The following TSPAN18 variants were observed in gnomAD, a reference collection of about 807,000 sequenced individuals.
TSPAN18 encodes the protein tetraspanin-18.
A neutral mutation model predicts 27.3 loss-of-function variants in TSPAN18; 14 were observed. That is an observed-to-expected ratio of 0.51 (90% confidence interval 0.34 to 0.80). The LOEUF is 0.80. Among genes scored for constraint, TSPAN18 ranks in the 30% least tolerant of loss-of-function variants. The probability of loss-of-function intolerance (pLI) is 0.01; values close to 1 mark genes in which losing one functional copy is unlikely to be tolerated. For synonymous variants in TSPAN18, 143 were observed against 136.5 expected (o/e 1.05, Z -0.33); for missense variants, 268 against 323.9 (o/e 0.83, Z 1.32).
intron 8 of TSPAN18, among the ~76,000 whole-genome samples, chr11:44,922,605 TACTGGTGCCAGTGAG>T (rs1380180583): frequency 6.6e-6 from 1 of 152,178 alleles, no homozygotes; most frequent in Non-Finnish European, 1.5e-5. Flanking sequence ...GGGGCTTTTA[TACTGGTGCCAGTGAG>T]AAAGGACAGC....
intron 2 of TSPAN18, among the ~76,000 whole-genome samples, chr11:44,808,501 A>G (rs1035233060): frequency 3.3e-5 from 5 of 152,206 alleles, no homozygotes; most frequent in Admixed American, 6.5e-5. Context: ...TAGAGTGGGA[A>G]CATGGGATCA....
At chr11:44,877,895 C>T (rs1858381034) in intron 3 of TSPAN18, among the ~76,000 whole-genome samples, 1 of 151,958 alleles carries the variant, frequency 6.6e-6, no homozygotes, top group Non-Finnish European at 1.5e-5. Flanking sequence ...TTCTCTCCCT[C>T]TCCCCACTGC....
intron 2 of TSPAN18, among the ~76,000 whole-genome samples, chr11:44,790,227 C>G (rs835861): frequency 0.81 from 119,524 of 147,408 alleles, 51,241 homozygotes; most frequent in Non-Finnish European, 0.97. Flanking sequence ...TTGTGTATGT[C>G]CATGTGTTTG....
intron 2 of TSPAN18, among the ~76,000 whole-genome samples, chr11:44,795,040 C>G (rs1337407562): frequency 6.6e-6 from 1 of 152,142 alleles, no homozygotes; most frequent in Non-Finnish European, 1.5e-5. Context: ...AAGACCACCT[C>G]AAAGACCTGC....
At chr11:44,873,189 G>C (rs1460868005) in intron 3 of TSPAN18, among the ~76,000 whole-genome samples, 2 of 152,194 alleles carry the variant, frequency 1.3e-5, no homozygotes, top group African/African-American at 4.8e-5. Context: ...GGCAGCACAG[G>C]GGCCCTGCAT....
chr11:44,854,940 A>G (rs1052692287), intron 2 of TSPAN18, among the ~76,000 whole-genome samples: 2 of 152,254 alleles, frequency 1.3e-5, no homozygotes, highest in African/African-American at 4.8e-5. Flanking sequence ...CTTAGTGAGT[A>G]AACAATTGGA....
intron 2 of TSPAN18, among the ~76,000 whole-genome samples, chr11:44,818,870 A>G (rs1351120298): frequency 6.6e-6 from 1 of 152,084 alleles, no homozygotes; most frequent in Non-Finnish European, 1.5e-5. Context: ...TGGTCCTGCC[A>G]CTAACAGCAC....
At chr11:44,917,817 T>C (rs1047549389) in intron 5 of TSPAN18, 155 bp from the exon 6 acceptor site, 1 of 636,660 alleles carries the variant, frequency 1.6e-6, no homozygotes, top group African/African-American at 1.8e-5. Context: ...CTGGTGTGTT[T>C]GTTATGAAAA....
intron 3 of TSPAN18, among the ~76,000 whole-genome samples, chr11:44,885,313 A>G (rs1462984313): frequency 1.3e-5 from 2 of 152,184 alleles, no homozygotes; most frequent in African/African-American, 2.4e-5. Flanking sequence ...GGAGGAACTA[A>G]GACCTGGAGA....
At chr11:44,839,586 C>T (rs1162219264) in intron 2 of TSPAN18, among the ~76,000 whole-genome samples, 2 of 152,122 alleles carry the variant, frequency 1.3e-5, no homozygotes, top group Non-Finnish European at 2.9e-5. Flanking sequence ...GTCTCTCCTG[C>T]CCTCCCCCTG....
At chr11:44,758,186 A>G (rs974983355) in intron 1 of TSPAN18, among the ~76,000 whole-genome samples, 4 of 152,148 alleles carry the variant, frequency 2.6e-5, no homozygotes, top group African/African-American at 4.8e-5. Context: ...GCTGTTTGCT[A>G]TGGGTTTTTC....
chr11:44,881,592 G>A (rs1476356849), intron 3 of TSPAN18, among the ~76,000 whole-genome samples: 1 of 152,200 alleles, frequency 6.6e-6, no homozygotes, highest in African/African-American at 2.4e-5. Context: ...GCAATGAACT[G>A]TATGGGAAAA....
intron 9 of TSPAN18, among the ~76,000 whole-genome samples, chr11:44,928,722 G>A (rs1015840166): frequency 4.6e-5 from 7 of 152,142 alleles, no homozygotes; most frequent in Non-Finnish European, 1.0e-4. Context: ...GGAGGCAGAG[G>A]TTGCAGTGAG....
At chr11:44,918,386 A>G (rs1332078607) in intron 6 of TSPAN18, among the ~76,000 whole-genome samples, 1 of 152,144 alleles carries the variant, frequency 6.6e-6, no homozygotes, top group Non-Finnish European at 1.5e-5. Context: ...GTAGGAGCAC[A>G]GGGCAGACTG....
chr11:44,863,695 G>A (rs542793164), intron 3 of TSPAN18, among the ~76,000 whole-genome samples: 7 of 152,240 alleles, frequency 4.6e-5, no homozygotes, highest in East Asian at 1.9e-4. Flanking sequence ...AGCTCCTTCC[G>A]CTTGAAACAT....
chr11:44,896,782 G>GCCACCA (rs1186136986), intron 3 of TSPAN18, among the ~76,000 whole-genome samples: 1 of 151,626 alleles, frequency 6.6e-6, no homozygotes, highest in Non-Finnish European at 1.5e-5. Context: ...CCTCCACGCT[G>GCCACCA]CCACCACCAC....
At chr11:44,809,315 G>T (rs572620674) in intron 2 of TSPAN18, among the ~76,000 whole-genome samples, 2 of 152,152 alleles carry the variant, frequency 1.3e-5, no homozygotes, top group African/African-American at 4.8e-5. Flanking sequence ...TCTCCACCGA[G>T]AGGTCTCTGA....
chr11:44,894,361 C>T (rs551121826), intron 3 of TSPAN18, among the ~76,000 whole-genome samples: 6 of 152,222 alleles, frequency 3.9e-5, no homozygotes, highest in Non-Finnish European at 8.8e-5. Context: ...AGGGCACGTG[C>T]AAGCCCTTTC....
At chr11:44,845,163 G>A (rs1857454721) in intron 2 of TSPAN18, among the ~76,000 whole-genome samples, 1 of 152,158 alleles carries the variant, frequency 6.6e-6, no homozygotes, top group South Asian at 2.1e-4. Flanking sequence ...CCAGAGCAGG[G>A]GGACACAGTG....
Sources: allele counts gnomAD v4.1 joint callset (sites outside exome capture counted in the v4.1 genomes callset), GRCh38; gene constraint gnomAD v4.1.1; transcripts MANE v1.5; gene names NCBI Gene and HGNC (gene_info 2026-07-23, HGNC 2026-07-21).